Variants in DOCK3 observed in about 807,000 individuals in gnomAD.
DOCK3 encodes dedicator of cytokinesis protein 3.
Under a neutral mutation model 265.6 loss-of-function variants are expected in DOCK3, and 60 were observed. That is an observed-to-expected ratio of 0.23 (90% CI 0.18 to 0.28). The LOEUF (loss-of-function observed/expected upper bound fraction) is 0.28, where lower values mean the gene tolerates loss of function less well. Among genes scored for constraint, DOCK3 ranks in the 10% least tolerant of loss-of-function variants. DOCK3 has a pLI of 1.00. For missense variants in DOCK3, 1,981 were observed against 2,594.3 expected (o/e 0.76, Z 5.14); for synonymous variants, 881 against 938.0 (o/e 0.94, Z 1.11).
At chr3:51,239,874 TATTA>T (rs2078531283) in intron 21 of DOCK3, among the ~76,000 whole-genome samples, 1 of 152,150 alleles carries the variant, frequency 6.6e-6, no homozygotes, top group Admixed American at 6.5e-5. Flanking sequence ...GCTAGCAGTC[TATTA>T]ATTGTTTTCA....
At chr3:50,802,893 C>T (rs2043145012) in intron 2 of DOCK3, among the ~76,000 whole-genome samples, 1 of 151,994 alleles carries the variant, frequency 6.6e-6, no homozygotes, top group African/African-American at 2.4e-5. Context: ...CCCTTCTCTT[C>T]TCCTTCTGGA....
At chr3:50,907,141 T>A (rs1443541647) in intron 4 of DOCK3, among the ~76,000 whole-genome samples, 1 of 152,158 alleles carries the variant, frequency 6.6e-6, no homozygotes, top group East Asian at 1.9e-4. Context: ...TAATTTCTGT[T>A]GTTTTACATT....
At chr3:50,883,571 G>A (rs2048169336) in intron 3 of DOCK3, among the ~76,000 whole-genome samples, 1 of 151,932 alleles carries the variant, frequency 6.6e-6, no homozygotes. Context: ...ATCTGAAAAT[G>A]TTTTGATTTG....
At chr3:50,991,566 T>C (rs999665542) in intron 5 of DOCK3, among the ~76,000 whole-genome samples, 1 of 152,198 alleles carries the variant, frequency 6.6e-6, no homozygotes, top group Non-Finnish European at 1.5e-5. Flanking sequence ...GCACCCAGCA[T>C]AGGAGCACCT....
chr3:51,163,062 C>T (rs1306251543), intron 12 of DOCK3, among the ~76,000 whole-genome samples: 1 of 152,114 alleles, frequency 6.6e-6, no homozygotes. Context: ...GTGAATCTAG[C>T]CCTCAGGAGA....
intron 22 of DOCK3, among the ~76,000 whole-genome samples, chr3:51,250,807 C>G (rs904872832): frequency 6.6e-6 from 1 of 152,122 alleles, no homozygotes; most frequent in Non-Finnish European, 1.5e-5. Flanking sequence ...ACTGAGGAAA[C>G]AGAATATTTA....
At chr3:50,716,477 GA>G (rs1196812370) in intron 1 of DOCK3, among the ~76,000 whole-genome samples, 2 of 151,924 alleles carry the variant, frequency 1.3e-5, no homozygotes, top group East Asian at 3.9e-4. Flanking sequence ...GCAGTGAGCG[GA>G]GATCACGCCA....
chr3:50,693,530 CTTT>C (rs35261130), intron 1 of DOCK3, among the ~76,000 whole-genome samples: 12 of 64,250 alleles, frequency 1.9e-4, no homozygotes, highest in Admixed American at 6.2e-4. Flanking sequence ...ATTTCCTTTC[CTTT>C]TTTTTTTTTT....
At chr3:51,110,643 AT>A (rs2083474316) in intron 9 of DOCK3, among the ~76,000 whole-genome samples, 1 of 152,236 alleles carries the variant, frequency 6.6e-6, no homozygotes, top group South Asian at 2.1e-4. Flanking sequence ...ACATTTCTTC[AT>A]GTTAAAAACT....
At chr3:51,365,416 A>G (rs1336041701) in intron 49 of DOCK3, among the ~76,000 whole-genome samples, 3 of 152,218 alleles carry the variant, frequency 2.0e-5, no homozygotes, top group East Asian at 1.9e-4. Flanking sequence ...TAAATATACA[A>G]TCATGTCATC....
At position 51,356,222 on chromosome 3, in the gene DOCK3, C is replaced by T. The variant is rs779541169; in HGVS notation, c.4383C>T (p.His1461=). The part of the protein sequence containing the change: ...VRKFRYDRPF[H]KGPKDKENEF... ...AGTTCCGGTATGACAGGCCTTTTCA[C>T]AAAGGCCCCAAGGACAAGGAGAATG... is the stretch of plus-strand genomic sequence containing the variant. Residue 1461 remains histidine, a synonymous_variant, in exon 42 of 53, where the codon CAC becomes CAT. Transcript: ENST00000266037. 5.6e-6 allele frequency: 9 copies of T among 1,613,808 alleles called. No homozygotes were observed. The highest frequency in any genetic ancestry group is 1.6e-4 in the Middle Eastern group (1 of 6,062).
At chr3:51,056,396 C>T (rs975801258) in intron 5 of DOCK3, among the ~76,000 whole-genome samples, 1 of 152,122 alleles carries the variant, frequency 6.6e-6, no homozygotes, top group Non-Finnish European at 1.5e-5. Flanking sequence ...CTACAGGTGC[C>T]CGCCACCATG....
At chr3:51,235,478 C>A (rs752431565) in intron 19 of DOCK3, among the ~76,000 whole-genome samples, 1 of 152,102 alleles carries the variant, frequency 6.6e-6, no homozygotes, top group Non-Finnish European at 1.5e-5. Flanking sequence ...TTTTTTACTT[C>A]TTATTGGAAG....
At chr3:51,175,273 A>G (rs1380370580) in intron 12 of DOCK3, among the ~76,000 whole-genome samples, 1 of 152,126 alleles carries the variant, frequency 6.6e-6, no homozygotes, top group African/African-American at 2.4e-5. Flanking sequence ...AGGCCACTTT[A>G]AGATCCAAAG....
intron 2 of DOCK3, among the ~76,000 whole-genome samples, chr3:50,840,347 C>T (rs1308835056): frequency 6.6e-6 from 1 of 152,126 alleles, no homozygotes; most frequent in African/African-American, 2.4e-5. Flanking sequence ...TATAGTTTTG[C>T]ATTTTATGTT....
At chr3:50,909,233 T>C (rs1257570352) in intron 4 of DOCK3, among the ~76,000 whole-genome samples, 8 of 152,136 alleles carry the variant, frequency 5.3e-5, no homozygotes, top group African/African-American at 1.7e-4. Context: ...AATACTGTTA[T>C]GTGTGAATTT....
intron 37 of DOCK3, among the ~76,000 whole-genome samples, chr3:51,339,808 A>G (rs2085118216): frequency 6.6e-6 from 1 of 152,190 alleles, no homozygotes; most frequent in African/African-American, 2.4e-5. Flanking sequence ...CTCTTAGGCG[A>G]TAGGACTTGA....
intron 51 of DOCK3, among the ~76,000 whole-genome samples, chr3:51,377,167 A>G (rs2088207380): frequency 6.6e-6 from 1 of 152,144 alleles, no homozygotes; most frequent in South Asian, 2.1e-4. Context: ...CGACTACATC[A>G]AGGAGCTGGA....
chr3:51,210,341 C>T (rs2089437405), intron 13 of DOCK3, among the ~76,000 whole-genome samples: 1 of 152,148 alleles, frequency 6.6e-6, no homozygotes. Context: ...CTGTGGGGCA[C>T]CACAGACTTC....
Sources: allele counts gnomAD v4.1 joint callset (sites outside exome capture counted in the v4.1 genomes callset), GRCh38; gene constraint gnomAD v4.1.1; transcripts MANE v1.5; gene names NCBI Gene and HGNC (gene_info 2026-07-23, HGNC 2026-07-21).